Variants in ACTR3C observed in about 807,000 individuals in gnomAD.
ACTR3C encodes actin-related protein 3C.
A neutral mutation model predicts 26.3 loss-of-function variants in ACTR3C; 18 were observed. The ratio of observed to expected loss-of-function variants is 0.68; its 90% CI spans 0.47 to 1.01. The LOEUF is 1.01. Ranked by LOEUF, ACTR3C falls within the 50% of genes least tolerant of loss-of-function variation. ACTR3C has a pLI of 0.00. For missense variants in ACTR3C, 184 were observed against 250.7 expected (o/e 0.73, Z 1.80); for synonymous variants, 55 against 94.5 (o/e 0.58, Z 2.42).
the ACTR3C span, among the ~76,000 whole-genome samples, chr7:150,142,304 C>T: frequency 2.0e-5 from 3 of 152,210 alleles, no homozygotes; most frequent in South Asian, 2.1e-4. Context: ...GTGTTAGAAC[C>T]GCAACAACTC....
At chr7:149,999,835 G>A in the ACTR3C span, among the ~76,000 whole-genome samples, 1 of 151,972 alleles carries the variant, frequency 6.6e-6, no homozygotes, top group Non-Finnish European at 1.5e-5. Context: ...TTTCCTCTCA[G>A]AGTCTGATCC....
At chr7:150,169,492 A>G in the ACTR3C span, among the ~76,000 whole-genome samples, 1 of 150,312 alleles carries the variant, frequency 6.7e-6, no homozygotes, top group Non-Finnish European at 1.5e-5. Flanking sequence ...CCAGGAAGAA[A>G]GAATTCAGCA....
At chr7:149,993,208 C>G in the ACTR3C span, among the ~76,000 whole-genome samples, 8 of 146,426 alleles carry the variant, frequency 5.5e-5, no homozygotes, top group Non-Finnish European at 1.2e-4. Flanking sequence ...GCACCTTCAC[C>G]GACACACCCA....
the ACTR3C span, among the ~76,000 whole-genome samples, chr7:149,964,234 A>G: frequency 0.042 from 6,329 of 152,324 alleles, 332 homozygotes; most frequent in African/African-American, 0.13. Flanking sequence ...GGGCCACCCA[A>G]TGGAAGATTT....
At chr7:150,080,224 C>G in the ACTR3C span, among the ~76,000 whole-genome samples, 1 of 150,832 alleles carries the variant, frequency 6.6e-6, no homozygotes, top group Admixed American at 6.6e-5. Flanking sequence ...AGGTTTGGAT[C>G]CGCTGATCTA....
At chr7:149,959,108 A>C in the ACTR3C span, among the ~76,000 whole-genome samples, 1 of 152,180 alleles carries the variant, frequency 6.6e-6, no homozygotes, top group Non-Finnish European at 1.5e-5. Context: ...CTGTGAGAGG[A>C]GAAGTGGAGG....
the ACTR3C span, among the ~76,000 whole-genome samples, chr7:150,226,547 C>T: frequency 6.6e-6 from 1 of 152,152 alleles, no homozygotes; most frequent in South Asian, 2.1e-4. Flanking sequence ...AGTGATTCTC[C>T]TGCCTTAGCC....
the ACTR3C span, among the ~76,000 whole-genome samples, chr7:150,099,962 A>G: frequency 6.6e-6 from 1 of 151,744 alleles, no homozygotes; most frequent in African/African-American, 2.4e-5. Flanking sequence ...GCTGGCACCC[A>G]TAAGTATCCA....
the ACTR3C span, among the ~76,000 whole-genome samples, chr7:150,088,064 A>C: frequency 1.3e-5 from 2 of 152,248 alleles, no homozygotes; most frequent in Admixed American, 6.5e-5. Context: ...TAGCATTCTT[A>C]ATAGATTCCA....
At chr7:150,299,494 A>C (rs1384148779) in intron 1 of ACTR3C, among the ~76,000 whole-genome samples, 4 of 138,454 alleles carry the variant, frequency 2.9e-5, no homozygotes, top group Admixed American at 1.4e-4. Flanking sequence ...AAAAAAAAAA[A>C]CAAAAAACAG....
the ACTR3C span, among the ~76,000 whole-genome samples, chr7:149,987,430 G>A: frequency 1.4e-5 from 2 of 146,652 alleles, no homozygotes; most frequent in Admixed American, 6.9e-5. Context: ...GCTGGGCATG[G>A]TGGTGGGTGC....
the ACTR3C span, among the ~76,000 whole-genome samples, chr7:149,952,438 G>C: frequency 4.1e-5 from 6 of 147,364 alleles, 1 homozygote; most frequent in African/African-American, 8.1e-5. Flanking sequence ...AATTGTTCAG[G>C]TCTAAAATTA....
chr7:149,938,439 GAT>G, the ACTR3C span, among the ~76,000 whole-genome samples: 1 of 151,916 alleles, frequency 6.6e-6, no homozygotes, highest in Non-Finnish European at 1.5e-5. Context: ...AAATTTAGGA[GAT>G]TTTTTTTAAA....
the ACTR3C span, among the ~76,000 whole-genome samples, chr7:150,099,924 T>C: frequency 2.6e-5 from 4 of 151,672 alleles, no homozygotes; most frequent in East Asian, 7.7e-4. Flanking sequence ...CTGTTTGGAT[T>C]GCACAGATGA....
At chr7:149,965,002 T>G in the ACTR3C span, among the ~76,000 whole-genome samples, 2 of 152,290 alleles carry the variant, frequency 1.3e-5, no homozygotes, top group South Asian at 4.1e-4. Flanking sequence ...GAAAAAGTTG[T>G]GTGTATGTAA....
chr7:150,026,435 G>T, the ACTR3C span, among the ~76,000 whole-genome samples: 43,546 of 151,944 alleles, frequency 0.29, 6,539 homozygotes, highest in Non-Finnish European at 0.34. Context: ...AAAGAGGATG[G>T]ATTAAAGGCA....
At chr7:150,306,361 G>A (rs1411524707) in intron 1 of ACTR3C, among the ~76,000 whole-genome samples, 3 of 152,062 alleles carry the variant, frequency 2.0e-5, no homozygotes, top group South Asian at 4.2e-4. Context: ...CCTGGCGCGG[G>A]AAGCTGAAGT....
chr7:150,170,427 C>T, the ACTR3C span, among the ~76,000 whole-genome samples: 1 of 124,774 alleles, frequency 8.0e-6, no homozygotes, highest in Non-Finnish European at 1.8e-5. Flanking sequence ...GTATTTTACC[C>T]TCCTGGAATC....
At chr7:150,087,727 A>C in the ACTR3C span, among the ~76,000 whole-genome samples, 1 of 152,260 alleles carries the variant, frequency 6.6e-6, no homozygotes, top group East Asian at 1.9e-4. Context: ...CAGCCTCAAC[A>C]GGACTGAGCT....
Sources: gnomAD v4.1 joint callset for allele counts (sites outside exome capture counted in the v4.1 genomes callset) on GRCh38, gnomAD v4.1.1 for gene constraint, MANE v1.5 for transcripts, NCBI Gene and HGNC (gene_info 2026-07-23, HGNC 2026-07-21) for gene names.